Variants in MDGA2 observed in about 807,000 individuals in gnomAD.
The protein encoded by MDGA2 is MAM domain-containing glycosylphosphatidylinositol anchor protein 2.
A neutral mutation model predicts 117.8 loss-of-function variants in MDGA2; 40 were observed. The observed-to-expected ratio is 0.34, with a 90% CI of 0.26 to 0.44. MDGA2 has a LOEUF of 0.44. Ranked by LOEUF, MDGA2 falls within the 20% of genes least tolerant of loss-of-function variation. MDGA2 has a pLI of 1.00. For synonymous variants in MDGA2, 452 were observed against 439.0 expected, an observed-to-expected ratio of 1.03 and a Z score of -0.37; for missense variants, 1,123 against 1,250.6, an observed-to-expected ratio of 0.90 and a Z score of 1.54.
At chr14:47,007,031 A>C (rs1410530128) in intron 8 of MDGA2, among the ~76,000 whole-genome samples, 2 of 151,788 alleles carry the variant, frequency 1.3e-5, no homozygotes, top group African/African-American at 4.8e-5. Context: ...AACTTTAAGA[A>C]TATTTCGTTT....
intron 1 of MDGA2, among the ~76,000 whole-genome samples, chr14:47,619,321 G>T (rs1297517145): frequency 6.6e-6 from 1 of 152,078 alleles, no homozygotes; most frequent in Non-Finnish European, 1.5e-5. Flanking sequence ...TACTCTTTAT[G>T]GTACAGTAGT....
chr14:46,961,163 T>A (rs1294163560), intron 8 of MDGA2, among the ~76,000 whole-genome samples: 1 of 152,082 alleles, frequency 6.6e-6, no homozygotes, highest in Non-Finnish European at 1.5e-5. Flanking sequence ...TGTTCTGCAG[T>A]TTCAATATAC....
chr14:47,239,329 T>C lies in MDGA2; in HGVS notation c.421-21134A>G, dbSNP rs537454159. ...ATCACTGAGTTGAAACATATCATTA[T>C]TTTAATCATAAATATTTCACTATAG... is the stretch of plus-strand genomic sequence containing the variant. On this transcript the variant is annotated intron_variant, in intron 2 of 16. Coordinates refer to ENST00000399232, the MANE Select transcript of MDGA2 (RefSeq NM_001113498.3). Among the ~76,000 whole-genome samples the C allele has an allele frequency of 2.6e-5, 4 of 151,940 alleles. No individual in the cohort carries two copies. In the South Asian group the frequency reaches 6.2e-4, roughly 24 times the overall value.
At chr14:47,195,993 G>T (rs1161793752) in intron 3 of MDGA2, among the ~76,000 whole-genome samples, 1 of 151,872 alleles carries the variant, frequency 6.6e-6, no homozygotes. Flanking sequence ...CAGGCATTTA[G>T]TCATATATAC....
At chr14:47,133,599 T>C (rs1288349521) in intron 4 of MDGA2, among the ~76,000 whole-genome samples, 1 of 151,976 alleles carries the variant, frequency 6.6e-6, no homozygotes, top group East Asian at 1.9e-4. Flanking sequence ...CTAAGCCCCA[T>C]TTCCAGAATT....
intron 1 of MDGA2, among the ~76,000 whole-genome samples, chr14:47,336,574 TTTAAA>T (rs1890464779): frequency 6.6e-6 from 1 of 151,920 alleles, no homozygotes; most frequent in African/African-American, 2.4e-5. Context: ...AATTATTTTG[TTTAAA>T]TTAAAGTACC....
rs901807385 is a variant in MDGA2 at position 47,674,711 on chromosome 14, C to A, written c.86G>T (p.Arg29Leu). The A allele has an allele frequency of 2.1e-5, 20 of 938,612 alleles. No homozygotes were observed. The highest frequency in any genetic ancestry group is 2.9e-5 in the Non-Finnish European group (17 of 590,306). 58.1% of individuals were successfully genotyped at this position (938,612 alleles called of 1,614,324 possible). The part of the protein sequence containing the change: ...RTDGRRFLLR[R>L]AVPGHLGLAR... ...CAAGCCGAGGTGCCCGGGAACCGCT[C>A]GCCGAAGGAGGAAGCGCCGTCCGTC... is the stretch of plus-strand genomic sequence containing the variant. Residue 29 changes from arginine to leucine, a missense_variant, in exon 1 of 17, where the codon CGA becomes CTA. Transcript: ENST00000399232.
intron 8 of MDGA2, among the ~76,000 whole-genome samples, chr14:47,003,770 G>T (rs1887616707): frequency 6.6e-6 from 1 of 151,722 alleles, no homozygotes; most frequent in Non-Finnish European, 1.5e-5. Flanking sequence ...GAAGTTTATG[G>T]CATTTATTCT....
chr14:47,586,927 T>G (rs980288954), intron 1 of MDGA2, among the ~76,000 whole-genome samples: 1 of 151,994 alleles, frequency 6.6e-6, no homozygotes, highest in Non-Finnish European at 1.5e-5. Flanking sequence ...CATTGTCCAT[T>G]GCATTGTCTT....
In MDGA2 at chr14:47,173,299, C is replaced by G. The variant is rs1184039468; in HGVS notation, c.596-29025G>C. ...GTTCAGATTCAGGAAATACAGAGAA[C>G]GCCACAAAGATACTCCTCAAGAAGA... On this transcript the variant is annotated intron_variant, in intron 3 of 16. Coordinates refer to ENST00000399232, the MANE Select transcript of MDGA2 (RefSeq NM_001113498.3). 2.6e-5 allele frequency among the ~76,000 whole-genome samples: 4 copies of G among 152,114 alleles called. No individual in the cohort carries two copies. In the East Asian group the frequency reaches 7.7e-4, roughly 29 times the overall value.
At chr14:47,429,696 T>C (rs772583523) in intron 1 of MDGA2, among the ~76,000 whole-genome samples, 3 of 152,086 alleles carry the variant, frequency 2.0e-5, no homozygotes, top group Non-Finnish European at 4.4e-5. Flanking sequence ...ATTTATTCAT[T>C]GTAAGACATT....
intron 1 of MDGA2, among the ~76,000 whole-genome samples, chr14:47,649,314 G>A (rs1276754822): frequency 6.6e-6 from 1 of 152,098 alleles, no homozygotes; most frequent in African/African-American, 2.4e-5. Flanking sequence ...GTTTGTTCAT[G>A]GATCTACCCA....
intron 8 of MDGA2, among the ~76,000 whole-genome samples, chr14:46,969,194 T>C (rs145047326): frequency 2.0e-5 from 3 of 152,158 alleles, no homozygotes; most frequent in Non-Finnish European, 4.4e-5. Flanking sequence ...ATTGTGACTA[T>C]TGCCGCAATA....
chr14:47,311,988 A>C (rs1235489738), intron 1 of MDGA2, among the ~76,000 whole-genome samples: 1 of 152,174 alleles, frequency 6.6e-6, no homozygotes, highest in Middle Eastern at 3.2e-3. Context: ...CTGATAAAAA[A>C]GATACTCTTA....
At chr14:47,486,896 T>G (rs904991803) in intron 1 of MDGA2, among the ~76,000 whole-genome samples, 1 of 152,220 alleles carries the variant, frequency 6.6e-6, no homozygotes, top group African/African-American at 2.4e-5. Flanking sequence ...CAGTCTCAGA[T>G]ATGTCTTTAG....
intron 3 of MDGA2, among the ~76,000 whole-genome samples, chr14:47,187,001 T>C (rs943481375): frequency 1.3e-5 from 2 of 151,962 alleles, no homozygotes; most frequent in Non-Finnish European, 1.5e-5. Context: ...TTATTTCTGC[T>C]GCCAATAATG....
chr14:47,267,919 A>T (rs555866639), intron 2 of MDGA2, among the ~76,000 whole-genome samples: 1 of 152,266 alleles, frequency 6.6e-6, no homozygotes, highest in Admixed American at 6.5e-5. Flanking sequence ...TTATGGTTTG[A>T]TTAACAAACA....
At chr14:47,042,341 G>C (rs968556174) in intron 7 of MDGA2, among the ~76,000 whole-genome samples, 4 of 143,748 alleles carry the variant, frequency 2.8e-5, no homozygotes, top group African/African-American at 7.7e-5. Flanking sequence ...GTGTGTGTGT[G>C]TGTGTATGCA....
intron 1 of MDGA2, among the ~76,000 whole-genome samples, chr14:47,462,630 C>T (rs1245937409): frequency 1.3e-5 from 2 of 152,120 alleles, no homozygotes; most frequent in Non-Finnish European, 2.9e-5. Flanking sequence ...CTAAGAGTCG[C>T]TAACTCAGAA....
Sources: allele counts gnomAD v4.1 joint callset (sites outside exome capture counted in the v4.1 genomes callset), GRCh38; gene constraint gnomAD v4.1.1; transcripts MANE v1.5; gene names NCBI Gene and HGNC (gene_info 2026-07-23, HGNC 2026-07-21).